R3HDM2: variants seen among roughly 807,000 people sequenced by gnomAD.
R3HDM2 encodes R3H domain-containing protein 2.
Under a neutral mutation model 124.5 loss-of-function variants are expected in R3HDM2, and 38 were observed. That is an observed-to-expected ratio of 0.31 (90% CI 0.24 to 0.40). The LOEUF is 0.40. Ranked by LOEUF, R3HDM2 falls within the 10% of genes least tolerant of loss-of-function variation. The pLI is 1.00. For synonymous variants in R3HDM2, 391 were observed against 448.0 expected (o/e 0.87, Z 1.61); for missense variants, 869 against 1,236.9 (o/e 0.70, Z 4.46).
At chr12:57,268,219 A>G (rs1247164723) in intron 18 of R3HDM2, 84 bp downstream of exon 18, 1 of 1,477,064 alleles carries the variant, frequency 6.8e-7, no homozygotes. Flanking sequence ...TGCCTTTCTT[A>G]GGCCAGTGGA....
At chr12:57,332,560 A>G (rs1013450655) in intron 2 of R3HDM2, among the ~76,000 whole-genome samples, 2 of 152,154 alleles carry the variant, frequency 1.3e-5, no homozygotes, top group Non-Finnish European at 2.9e-5. Flanking sequence ...GGCTTTCCCA[A>G]ATTTTCACCT....
chr12:57,421,161 CTTTTTT>C (rs58868663), intron 1 of R3HDM2, among the ~76,000 whole-genome samples: 2 of 119,268 alleles, frequency 1.7e-5, no homozygotes, highest in Non-Finnish European at 3.4e-5. Context: ...CTAACAGATT[CTTTTTT>C]TTTTTTTTTT....
intron 14 of R3HDM2, among the ~76,000 whole-genome samples, chr12:57,270,428 T>G (rs2043336865): frequency 6.6e-6 from 1 of 151,002 alleles, no homozygotes; most frequent in Non-Finnish European, 1.5e-5. Flanking sequence ...TTGTTTTGTT[T>G]TGTTTTTTGT....
At chr12:57,309,338 A>G (rs544715718) in intron 3 of R3HDM2, among the ~76,000 whole-genome samples, 1 of 152,330 alleles carries the variant, frequency 6.6e-6, no homozygotes, top group South Asian at 2.1e-4. Context: ...AACAGAAGAA[A>G]CCAGCAGTGA....
At chr12:57,395,700 T>G (rs911632767) in intron 2 of R3HDM2, 49 bp downstream of exon 2, 40 of 798,494 alleles carry the variant, frequency 5.0e-5, no homozygotes, top group Non-Finnish European at 5.9e-5. Flanking sequence ...GTATAACAAT[T>G]TGTTGCCTGG....
In R3HDM2 at chr12:57,395,115, C is replaced by A. The variant is rs2067294784; in HGVS notation, c.-36+634G>T. Among the ~76,000 whole-genome samples the A allele has an allele frequency of 2.0e-5, 3 of 151,916 alleles. No individual in the cohort carries two copies. The South Asian group carries it at 6.2e-4, about 31-fold the overall frequency. On this transcript the variant is annotated intron_variant, in intron 2 of 23. Coordinates refer to ENST00000402412, the MANE Select transcript of R3HDM2 (RefSeq NM_001394031.1). The stretch of plus-strand genomic sequence containing the variant: ...ATCCCAGCATCTAGGGAGGCTGAGG[C>A]AGGAGAATCATTTGAACTCAGGAGG...
At chr12:57,387,094 C>T (rs1594309545) in intron 2 of R3HDM2, among the ~76,000 whole-genome samples, 1 of 152,092 alleles carries the variant, frequency 6.6e-6, no homozygotes, top group African/African-American at 2.4e-5. Flanking sequence ...ATGCACCAAT[C>T]AGCTCTCTGT....
chr12:57,383,651 T>C (rs1221935758), intron 2 of R3HDM2, among the ~76,000 whole-genome samples: 1 of 151,916 alleles, frequency 6.6e-6, no homozygotes, highest in East Asian at 1.9e-4. Context: ...GAGGTTGCGG[T>C]GAGCCGAGAT....
chr12:57,275,012 G>A (rs2044361869), intron 14 of R3HDM2, among the ~76,000 whole-genome samples: 1 of 152,008 alleles, frequency 6.6e-6, no homozygotes, highest in African/African-American at 2.4e-5. Flanking sequence ...CATAGCCAAA[G>A]CAAGACTAAG....
At chr12:57,348,896 A>C (rs1210558244) in intron 2 of R3HDM2, among the ~76,000 whole-genome samples, 1 of 152,086 alleles carries the variant, frequency 6.6e-6, no homozygotes, top group Non-Finnish European at 1.5e-5. Flanking sequence ...TTTCTAAACA[A>C]AAAAAGAAGC....
chr12:57,357,891 TATTA>T (rs906922174), intron 2 of R3HDM2, among the ~76,000 whole-genome samples: 1 of 152,040 alleles, frequency 6.6e-6, no homozygotes, highest in East Asian at 1.9e-4. Context: ...TAATTTCCCT[TATTA>T]ATTCTTTGTT....
chr12:57,287,357 C>G (rs939153546), intron 12 of R3HDM2, among the ~76,000 whole-genome samples: 3 of 152,106 alleles, frequency 2.0e-5, no homozygotes, highest in African/African-American at 4.8e-5. Context: ...GACTGTGGAA[C>G]AGGAATCCTG....
rs140301885 is a variant in R3HDM2, at chr12:57,387,471, G to A, written c.-36+8278C>T. The stretch of plus-strand genomic sequence containing the variant: ...TCATTCTTGAAGTCAGTGAGACCAA[G>A]AACCCACCAATTCTGGACAAAGGTT... On this transcript the variant is annotated intron_variant, in intron 2 of 23. Coordinates refer to ENST00000402412, the MANE Select transcript of R3HDM2 (RefSeq NM_001394031.1). 3.4e-3 allele frequency among the ~76,000 whole-genome samples: 512 copies of A among 152,242 alleles called. 3 individuals are homozygous for A. The highest frequency in any genetic ancestry group is 8.3e-3 in the Admixed American group (127 of 15,288).
chr12:57,321,421 T>C (rs1291876460), intron 2 of R3HDM2, among the ~76,000 whole-genome samples: 2 of 152,074 alleles, frequency 1.3e-5, no homozygotes, highest in Non-Finnish European at 2.9e-5. Flanking sequence ...GAGGCCAGGT[T>C]GGGTGGATCA....
intron 1 of R3HDM2, among the ~76,000 whole-genome samples, chr12:57,408,182 C>T (rs1234711529): frequency 2.0e-5 from 3 of 152,184 alleles, no homozygotes; most frequent in Admixed American, 1.3e-4. Flanking sequence ...CCTCCCACCT[C>T]GGCCTCCCAA....
At chr12:57,430,694 C>T in intron 1 of R3HDM2, 26 bp downstream of exon 1, 1 of 630,158 alleles carries the variant, frequency 1.6e-6, no homozygotes, top group Non-Finnish European at 2.0e-6. Context: ...GGGCCGCCCG[C>T]CCCCTCGGCC....
chr12:57,416,811 C>T lies in R3HDM2; in HGVS notation c.-106+13909G>A, dbSNP rs556281170. ...CAACAGAGTGAGACTCTGTCCCCCC[C>T]GCCCCACAAAAAAAAGCCAGCTGGG... On this transcript the variant is annotated intron_variant, in intron 1 of 23. Coordinates refer to ENST00000402412, the MANE Select transcript of R3HDM2 (RefSeq NM_001394031.1). Among the ~76,000 whole-genome samples, 4 of 144,792 alleles carry T rather than the reference C, an allele frequency of 2.8e-5. No homozygotes were observed. In the South Asian group the frequency reaches 8.8e-4, roughly 32 times the overall value. The allele number at this position is 144,792 out of a possible 152,430, so 95.0% of individuals were successfully genotyped here.
At chr12:57,418,327 T>C (rs2069849409) in intron 1 of R3HDM2, 1 of 985,292 alleles carries the variant, frequency 1.0e-6, no homozygotes, top group African/African-American at 1.7e-5. Flanking sequence ...GAACATTTAG[T>C]TAACGGGGCA....
At chr12:57,375,643 A>G (rs1243250595) in intron 2 of R3HDM2, among the ~76,000 whole-genome samples, 1 of 150,922 alleles carries the variant, frequency 6.6e-6, no homozygotes, top group East Asian at 1.9e-4. Context: ...AATATGGTCC[A>G]TTTAAAGTAC....
Sources: allele counts gnomAD v4.1 joint callset (sites outside exome capture counted in the v4.1 genomes callset), GRCh38; gene constraint gnomAD v4.1.1; transcripts MANE v1.5; gene names NCBI Gene and HGNC (gene_info 2026-07-23, HGNC 2026-07-21).